Variants in CTBP1 observed in about 807,000 individuals in gnomAD.
CTBP1 encodes the protein C-terminal binding protein 1.
CTBP1 carries 11 observed loss-of-function variants against 42.1 expected under a neutral mutation model. The observed-to-expected ratio is 0.26, with a 90% CI of 0.16 to 0.43. The LOEUF is 0.43. CTBP1 is among the 20% of genes least tolerant of loss of function. The probability of loss-of-function intolerance (pLI) is 1.00; values close to 1 mark genes in which losing one functional copy is unlikely to be tolerated. For synonymous variants in CTBP1, 324 were observed against 277.1 expected (o/e 1.17, Z -1.68); for missense variants, 399 against 624.3 (o/e 0.64, Z 3.85).
chr4:1,220,956 G>C (rs1729671248), intron 5 of CTBP1, among the ~76,000 whole-genome samples: 1 of 152,218 alleles, frequency 6.6e-6, no homozygotes, highest in South Asian at 2.1e-4. Context: ...TAAAAAACGG[G>C]TGATACGCTG....
intron 1 of CTBP1, chr4:1,244,355 G>GGA (rs1361180936): frequency 1.6e-6 from 1 of 642,826 alleles, no homozygotes; most frequent in East Asian, 4.7e-4. Context: ...TCTGGGCACT[G>GGA]GGGGGGGGGT....
chr4:1,219,718 C>T (rs1729529716), intron 5 of CTBP1, among the ~76,000 whole-genome samples: 1 of 152,230 alleles, frequency 6.6e-6, no homozygotes, highest in Admixed American at 6.5e-5. Context: ...CTGTTTTTGG[C>T]AGAGGCAGGT....
intron 1 of CTBP1, chr4:1,243,426 C>T (rs1023555113): frequency 2.0e-4 from 199 of 985,266 alleles, no homozygotes; most frequent in Non-Finnish European, 2.2e-4. Context: ...GCCACAGGGA[C>T]TTCCTGTGGT....
chr4:1,247,890 G>C (rs1362162885), intron 1 of CTBP1, among the ~76,000 whole-genome samples: 1 of 152,198 alleles, frequency 6.6e-6, no homozygotes, highest in African/African-American at 2.4e-5. Flanking sequence ...GGAAGGGCGC[G>C]ACCGCCTTCC....
chr4:1,242,690 A>C, intron 1 of CTBP1: 1 of 985,456 alleles, frequency 1.0e-6, no homozygotes, highest in Non-Finnish European at 1.2e-6. Flanking sequence ...GCCCAAGAGC[A>C]ACACTGTGGA....
In CTBP1 at chr4:1,235,869, T is replaced by C. The variant is rs915082810; in HGVS notation, c.162+2314A>G. 3 of 152,262 alleles carry C rather than the reference T, an allele frequency of 2.0e-5. No homozygotes were observed. The highest frequency in any genetic ancestry group is 7.2e-5 in the African/African-American group (3 of 41,466). The allele number at this position is 152,262 out of a possible 1,614,324, so 9.4% of individuals were successfully genotyped here. On this transcript the variant is annotated intron_variant, in intron 3 of 9. Transcript: ENST00000382952. This position sits in a 1 kb window ranked among gnomAD's most constrained non-coding sequence, Gnocchi z 4.2. ...TCTTCCTCTAAAGGGGCCGTCTTAC[T>C]TCTTTTGCCAGGCACCTGGGGCCGG...
At chr4:1,242,578 C>G in intron 1 of CTBP1, 1 of 985,440 alleles carries the variant, frequency 1.0e-6, no homozygotes, top group Non-Finnish European at 1.2e-6. Flanking sequence ...TCCAGAGACA[C>G]CATCACAGGG....
chr4:1,212,830 C>T, intron 9 of CTBP1, 83 bp downstream of exon 9: 1 of 1,216,078 alleles, frequency 8.2e-7, no homozygotes, highest in Non-Finnish European at 1.2e-6. Context: ...GAGACGCCGC[C>T]CCTCCCACCA....
chr4:1,212,402 GC>G lies in CTBP1; in HGVS notation c.1127del (p.Gly376AlafsTer126). The stretch of plus-strand genomic sequence containing the variant: ...CAGCTGGGATGCCAGTGGGGGCCAC[GC>G]CCACCACGCCCGGAGGGTACCTGCT... ...AAYRYPPGVV[G>X]VAPTGIPAAV... On this transcript the variant is annotated frameshift_variant, in exon 10 of 10. Coordinates refer to ENST00000382952, the MANE Select transcript of CTBP1 (RefSeq NM_001012614.2). LOFTEE classifies it high-confidence loss of function. 1 of 1,470,298 alleles carries G rather than the reference GC, an allele frequency of 6.8e-7. No homozygotes were observed. Among genetic ancestry groups the G allele is most frequent in the Non-Finnish European group, 9.0e-7 (1 of 1,114,210 alleles). 91.1% of individuals were successfully genotyped at this position (1,470,298 alleles called of 1,614,324 possible).
At chr4:1,228,767 G>C (rs1730656576) in intron 3 of CTBP1, among the ~76,000 whole-genome samples, 1 of 152,180 alleles carries the variant, frequency 6.6e-6, no homozygotes, top group Admixed American at 6.5e-5. Flanking sequence ...AGGTGCAGCT[G>C]GGTGGGGTGG....
At position 1,244,082 on chromosome 4, in the gene CTBP1, C is replaced by T; in HGVS notation, c.-188-2563G>A. The T allele has an allele frequency of 8.1e-6, 8 of 985,406 alleles. No individual in the cohort carries two copies. The South Asian group carries it at 3.8e-4, about 46-fold the overall frequency. 61.0% of individuals were successfully genotyped at this position (985,406 alleles called of 1,614,324 possible). A position where few individuals can be genotyped will look rare whatever the true frequency, so the allele number is the denominator to read the frequency against. On this transcript the variant is annotated intron_variant, in intron 1 of 9. Transcript: ENST00000382952. Reference sequence around the variant, plus strand: ...CAGCAGCCCCCAGGTTCTCTGGAGGCATCAAGTCCCGGGGGGCTGCACGGT... The same window carrying T: ...CAGCAGCCCCCAGGTTCTCTGGAGGTATCAAGTCCCGGGGGGCTGCACGGT...
chr4:1,214,375 C>A lies in CTBP1; in HGVS notation c.828G>T (p.Ala276=). Reference sequence around the variant, plus strand: ...GTTCCGACTCGTGCACATCCAGGGCCGCGCCGCGGATCCGGCCCTCCTTCA... The same window carrying A: ...GTTCCGACTCGTGCACATCCAGGGCAGCGCCGCGGATCCGGCCCTCCTTCA... ...QALKEGRIRG[A]ALDVHESEPF... Residue 276 remains alanine, a synonymous_variant, in exon 7 of 10, where the codon GCG becomes GCT. Coordinates refer to ENST00000382952, the MANE Select transcript of CTBP1 (RefSeq NM_001012614.2). 1 of 1,566,190 alleles carries A rather than the reference C, an allele frequency of 6.4e-7. No individual in the cohort carries two copies. The highest frequency in any genetic ancestry group is 8.6e-7 in the Non-Finnish European group (1 of 1,161,900).
At chr4:1,225,178 C>T (rs951031455) in intron 5 of CTBP1, among the ~76,000 whole-genome samples, 182 bp downstream of exon 5, 7 of 152,162 alleles carry the variant, frequency 4.6e-5, no homozygotes, top group African/African-American at 1.4e-4. Context: ...CGTCCGTGCA[C>T]GTAGGGCACA....
rs1183702998 is a variant in CTBP1 at position 1,212,219 on chromosome 4, G to A, written c.*21C>T. 1 of 1,432,762 alleles carries A rather than the reference G, an allele frequency of 7.0e-7. No individual in the cohort carries two copies. The highest frequency in any genetic ancestry group is 9.2e-7 in the Non-Finnish European group (1 of 1,089,588). The allele number at this position is 1,432,762 out of a possible 1,614,324, so 88.8% of individuals were successfully genotyped here. On this transcript the variant is annotated 3_prime_UTR_variant, in exon 10 of 10. Coordinates refer to ENST00000382952, the MANE Select transcript of CTBP1 (RefSeq NM_001012614.2). Reference sequence around the variant, plus strand: ...TCCGGGCCCTCTGCCCAGGCGCCGAGGCTGGAGAGCTCCTCCCGGGCTACA... The same window carrying A: ...TCCGGGCCCTCTGCCCAGGCGCCGAAGCTGGAGAGCTCCTCCCGGGCTACA...
chr4:1,241,907 C>T (rs1732219662), intron 1 of CTBP1: 2 of 1,062,988 alleles, frequency 1.9e-6, no homozygotes, highest in Middle Eastern at 9.1e-4. Flanking sequence ...AAAGGCTCTG[C>T]CTCCTGTTCT....
rs772278773 is a variant in CTBP1, at chr4:1,241,454, G to A, written c.-123C>T. 1.1e-5 allele frequency: 17 copies of A among 1,593,712 alleles called. No individual in the cohort carries two copies. The highest frequency in any genetic ancestry group is 5.4e-5 in the African/African-American group (4 of 74,548). On this transcript the variant is annotated 5_prime_UTR_variant, in exon 2 of 10. Transcript: ENST00000382952. ...CTCATCCCACGTCCTTAATTGTCTC[G>A]AGCCAAAGTGCTCAGGCTTCTGATC...
intron 8 of CTBP1, 43 bp downstream of exon 8, chr4:1,213,435 A>T: frequency 6.2e-7 from 1 of 1,601,232 alleles, no homozygotes; most frequent in Non-Finnish European, 8.5e-7. Flanking sequence ...TGGGGCTGGC[A>T]GGAAGGGACC....
chr4:1,228,692 A>C (rs1037275751), intron 3 of CTBP1, among the ~76,000 whole-genome samples: 4 of 142,310 alleles, frequency 2.8e-5, no homozygotes, highest in African/African-American at 1.0e-4. Flanking sequence ...TGTGGAAGAA[A>C]CGGGGTCCCG....
At chr4:1,218,904 A>G (rs1729438210) in intron 5 of CTBP1, among the ~76,000 whole-genome samples, 2 of 152,278 alleles carry the variant, frequency 1.3e-5, no homozygotes, top group Non-Finnish European at 2.9e-5. Context: ...ACGTAGCCAG[A>G]TGACACCGAA....
Sources: gnomAD v4.1 joint callset for allele counts (sites outside exome capture counted in the v4.1 genomes callset) on GRCh38, gnomAD v4.1.1 for gene constraint, Gnocchi (gnomAD v3.1) non-coding constraint, MANE v1.5 for transcripts, NCBI Gene and HGNC (gene_info 2026-07-23, HGNC 2026-07-21) for gene names.